Variants in ARMC1 observed in about 807,000 individuals in gnomAD.
ARMC1 encodes the protein armadillo repeat containing 1.
In ARMC1, 16 loss-of-function variants were observed where a neutral mutation model predicts 31.4. The ratio of observed to expected loss-of-function variants is 0.51; its 90% CI spans 0.34 to 0.77. The LOEUF (loss-of-function observed/expected upper bound fraction) is 0.77, where lower values mean the gene tolerates loss of function less well. ARMC1 is among the 30% of genes least tolerant of loss of function. The pLI, the probability that ARMC1 is intolerant of heterozygous loss-of-function variation, is 0.01. For synonymous variants in ARMC1, 114 were observed against 118.9 expected (o/e 0.96, Z 0.27); for missense variants, 259 against 347.5 (o/e 0.75, Z 2.02).
intron 4 of ARMC1, among the ~76,000 whole-genome samples, chr8:65,608,568 A>C (rs1808054153): frequency 6.6e-6 from 1 of 152,042 alleles, no homozygotes; most frequent in African/African-American, 2.4e-5. Flanking sequence ...CTAGTCCAAA[A>C]AATGTTGACT....
intron 1 of ARMC1, among the ~76,000 whole-genome samples, chr8:65,628,391 A>ATTTTTTTTTTTTTTTTT (rs763494218): frequency 2.5e-5 from 2 of 78,810 alleles, no homozygotes; most frequent in Non-Finnish European, 2.4e-5. Flanking sequence ...CGCCCGGCTA[A>ATTTTTTTTTTTTTTTTT]TTTTTTTTTT....
At chr8:65,606,038 A>G (rs1241925663) in intron 4 of ARMC1, among the ~76,000 whole-genome samples, 2 of 152,158 alleles carry the variant, frequency 1.3e-5, no homozygotes, top group Non-Finnish European at 2.9e-5. Flanking sequence ...ATGGTCTACA[A>G]AGCCAAAAAT....
At chr8:65,616,847 C>T (rs1165979467) in intron 3 of ARMC1, among the ~76,000 whole-genome samples, 1 of 151,084 alleles carries the variant, frequency 6.6e-6, no homozygotes, top group Admixed American at 6.6e-5. Flanking sequence ...TGAGGAGCCC[C>T]TCCACCCGGC....
At chr8:65,604,931 T>C (rs1045342855) in intron 6 of ARMC1, among the ~76,000 whole-genome samples, 2 of 152,014 alleles carry the variant, frequency 1.3e-5, no homozygotes, top group African/African-American at 4.8e-5. Flanking sequence ...GTGAAAAGAG[T>C]AGCAACAGAC....
At position 65,627,356 on chromosome 8, in the gene ARMC1, G is replaced by A. The variant is rs746059007; in HGVS notation, c.43C>T (p.Leu15=). ...TCCCGTAACTGGTTAACTACCGATAGAGCGTCAGGCTCTTCACTCATGGTG... is the reference window on the plus strand; with the variant it reads ...TCCCGTAACTGGTTAACTACCGATAAAGCGTCAGGCTCTTCACTCATGGTG... ...TSTMSEEPDA[L]SVVNQLRDLA... The change falls in exon 2 of 7, where the codon CTA becomes TTA. Residue 15 remains leucine, a synonymous_variant. Coordinates refer to ENST00000276569, the MANE Select transcript of ARMC1 (RefSeq NM_018120.6). 5.6e-6 allele frequency: 9 copies of A among 1,611,330 alleles called. No individual in the cohort carries two copies. In the Admixed American group the frequency reaches 6.7e-5, roughly 12 times the overall value.
intron 1 of ARMC1, among the ~76,000 whole-genome samples, chr8:65,632,530 G>A (rs1808668030): frequency 6.6e-6 from 1 of 152,028 alleles, no homozygotes; most frequent in Admixed American, 6.6e-5. Context: ...GGAGAATGGC[G>A]TGAAACCGGG....
intron 3 of ARMC1, among the ~76,000 whole-genome samples, chr8:65,621,710 C>G (rs1585715191): frequency 6.6e-6 from 1 of 152,086 alleles, no homozygotes; most frequent in African/African-American, 2.4e-5. Context: ...GATTTCACCA[C>G]GTTGGCCACG....
chr8:65,619,030 G>A (rs527917098), intron 3 of ARMC1, among the ~76,000 whole-genome samples: 26 of 152,170 alleles, frequency 1.7e-4, no homozygotes, highest in East Asian at 5.8e-4. Flanking sequence ...GCTACAGAGC[G>A]AGACTCCATC....
chr8:65,611,892 GC>G (rs1226204249), intron 4 of ARMC1, among the ~76,000 whole-genome samples: 1 of 151,532 alleles, frequency 6.6e-6, no homozygotes, highest in East Asian at 1.9e-4. Flanking sequence ...TCCTGCCTCA[GC>G]CTCCCGAGTA....
chr8:65,613,349 A>G lies in ARMC1; in HGVS notation c.360T>C (p.Ser120=). 1 of 1,612,548 alleles carries G rather than the reference A, an allele frequency of 6.2e-7. No individual in the cohort carries two copies. The highest frequency in any genetic ancestry group is 8.5e-7 in the Non-Finnish European group (1 of 1,179,462). The change falls in exon 4 of 7, where the codon AGT becomes AGC. Residue 120 remains serine (S), a synonymous_variant. Coordinates refer to ENST00000276569, the MANE Select transcript of ARMC1 (RefSeq NM_018120.6). The part of the protein sequence containing the change: ...LQSSNMADGD[S]FNEMNSRRRK... ...TTCGACGTGAATTCATCTCATTAAA[A>G]CTATCACCATCTGCCATATTGGAGG...
intron 4 of ARMC1, among the ~76,000 whole-genome samples, chr8:65,613,003 G>T (rs1453073931): frequency 2.0e-5 from 3 of 152,050 alleles, no homozygotes; most frequent in Non-Finnish European, 4.4e-5. Flanking sequence ...TCTAACTGTG[G>T]ATTTTTCTAT....
chr8:65,622,409 AACT>A, intron 2 of ARMC1, 55 bp from the exon 3 acceptor site: 1 of 1,360,586 alleles, frequency 7.3e-7, no homozygotes, highest in Non-Finnish European at 1.0e-6. Context: ...TCAAAATTGA[AACT>A]ACTACTAATT....
rs574410324 is a variant in ARMC1, at chr8:65,622,552, C to A, written c.184-198G>T. ...GAGCTGTAGTAGCTGATCTACTCTT[C>A]GAAATGAAGGTTCCTAACTTAGTCA... is the stretch of plus-strand genomic sequence containing the variant. On this transcript the variant is annotated intron_variant, in intron 2 of 6. Transcript: ENST00000276569. Among the ~76,000 whole-genome samples, 52 of 152,274 alleles carry A rather than the reference C, an allele frequency of 3.4e-4. No individual in the cohort carries two copies. In the South Asian group the frequency reaches 0.01, roughly 30 times the overall value.
At chr8:65,627,879 C>CT (rs1193892846) in intron 1 of ARMC1, among the ~76,000 whole-genome samples, 3 of 152,182 alleles carry the variant, frequency 2.0e-5, no homozygotes, top group Non-Finnish European at 4.4e-5. Flanking sequence ...CTAGCATACT[C>CT]TGTCTACAAA....
At chr8:65,617,071 T>A (rs976351449) in intron 3 of ARMC1, among the ~76,000 whole-genome samples, 4 of 151,548 alleles carry the variant, frequency 2.6e-5, no homozygotes, top group African/African-American at 9.7e-5. Context: ...AGCCGCCCCT[T>A]CTGGGAAGTG....
At chr8:65,621,566 T>C (rs1383671354) in intron 3 of ARMC1, among the ~76,000 whole-genome samples, 1 of 152,222 alleles carries the variant, frequency 6.6e-6, no homozygotes, top group Non-Finnish European at 1.5e-5. Context: ...TAGAGTGCAG[T>C]GGTGGGATCT....
At chr8:65,617,650 A>G (rs1296000700) in intron 3 of ARMC1, among the ~76,000 whole-genome samples, 2 of 151,976 alleles carry the variant, frequency 1.3e-5, no homozygotes. Context: ...CCTAAAATAT[A>G]CCTTTAATTC....
intron 4 of ARMC1, among the ~76,000 whole-genome samples, chr8:65,609,576 G>T (rs1399914068): frequency 6.6e-6 from 1 of 152,080 alleles, no homozygotes; most frequent in East Asian, 1.9e-4. Flanking sequence ...AAAAAGCTGT[G>T]GGCCAGGCGC....
At chr8:65,632,209 G>C (rs1027240934) in intron 1 of ARMC1, among the ~76,000 whole-genome samples, 2 of 152,018 alleles carry the variant, frequency 1.3e-5, no homozygotes, top group Admixed American at 6.6e-5. Context: ...GAGGCCCAGG[G>C]GGGTGGATCT....
Sources: gnomAD v4.1 joint callset for allele counts (sites outside exome capture counted in the v4.1 genomes callset) on GRCh38, gnomAD v4.1.1 for gene constraint, MANE v1.5 for transcripts, NCBI Gene and HGNC (gene_info 2026-07-23, HGNC 2026-07-21) for gene names.